ENTPD5: variants seen among roughly 807,000 people sequenced by gnomAD.
The protein encoded by ENTPD5 is ectonucleoside triphosphate diphosphohydrolase 5 (inactive).
ENTPD5 carries 49 observed loss-of-function variants against 60.2 expected under a neutral mutation model. That is an observed-to-expected ratio of 0.81 (90% CI 0.65 to 1.03). ENTPD5 has a LOEUF of 1.03. ENTPD5 is among the 50% of genes least tolerant of loss of function. The pLI, the probability that ENTPD5 is intolerant of heterozygous loss-of-function variation, is 0.00. For missense variants in ENTPD5, 480 were observed against 507.6 expected, an observed-to-expected ratio of 0.95 and a Z score of 0.52; for synonymous variants, 187 against 185.4, an observed-to-expected ratio of 1.01 and a Z score of -0.07.
downstream of ENTPD5, among the ~76,000 whole-genome samples, chr14:73,957,288 G>A (rs2056483333): frequency 6.6e-6 from 1 of 151,864 alleles, no homozygotes; most frequent in Non-Finnish European, 1.5e-5. Flanking sequence ...TAGTAGAGAT[G>A]GGGTTTCACC....
At chr14:73,992,801 G>A (rs1055112262) in intron 3 of ENTPD5, among the ~76,000 whole-genome samples, 2 of 152,040 alleles carry the variant, frequency 1.3e-5, no homozygotes, top group South Asian at 2.1e-4. Flanking sequence ...TCAGGAGTAC[G>A]AGACCAGCCT....
chr14:73,962,109 G>A (rs1263383425), downstream of ENTPD5, among the ~76,000 whole-genome samples: 4 of 151,728 alleles, frequency 2.6e-5, no homozygotes, highest in East Asian at 5.8e-4. Context: ...CACCACACCC[G>A]GCTAATTTTC....
At chr14:73,955,933 G>A (rs911987664), downstream of ENTPD5, 1 of 1,613,816 alleles carries the variant, frequency 6.2e-7, no homozygotes, top group Non-Finnish European at 8.5e-7. Flanking sequence ...TGTCTGGTGA[G>A]GCCCCCATCT....
intron 6 of ENTPD5, among the ~76,000 whole-genome samples, chr14:73,981,800 C>T (rs2057701296): frequency 8.7e-6 from 1 of 114,632 alleles, no homozygotes; most frequent in African/African-American, 3.0e-5. Context: ...GAGTGAGACT[C>T]TGTTTCCAAA....
chr14:73,983,118 G>A lies in ENTPD5; in HGVS notation c.341C>T (p.Ser114Leu), dbSNP rs760801515. 13 of 1,614,044 alleles carry A rather than the reference G, an allele frequency of 8.1e-6. No homozygotes were observed. The highest frequency in any genetic ancestry group is 1.7e-5 in the Admixed American group (1 of 60,002). ...VQGLLEVAKD[S>L]IPRSHWKKTP... ...CTTTTTCCAGTGACTTCGGGGGATT[G>A]AGTCTTTGGCCACCTCTAAGAGCCC... is the stretch of plus-strand genomic sequence containing the variant. Residue 114 changes from serine to leucine, a missense_variant, in exon 6 of 16, where the codon TCA becomes TTA. Transcript: ENST00000334696.
intron 12 of ENTPD5, 149 bp downstream of exon 12, chr14:73,973,728 C>G (rs974524777): frequency 2.3e-5 from 15 of 654,536 alleles, no homozygotes; most frequent in Non-Finnish European, 3.7e-5. Context: ...TGTCACTTCA[C>G]ATTAGTCCTT....
At position 73,965,638 on chromosome 14, in the gene ENTPD5, C is replaced by T. The variant is rs2056943342; in HGVS notation, c.*1290G>A. ...TTCAGGAGGCTGAGAACAAGAATCGCTTGAACCTGGGGGCGGAGGTTGCAG... is the reference window on the plus strand; with the variant it reads ...TTCAGGAGGCTGAGAACAAGAATCGTTTGAACCTGGGGGCGGAGGTTGCAG... On this transcript the variant is annotated 3_prime_UTR_variant, in exon 16 of 16. Transcript: ENST00000334696. 1 of 152,208 alleles carries T rather than the reference C, an allele frequency of 6.6e-6. No homozygotes were observed. The highest frequency in any genetic ancestry group is 1.5e-5 in the Non-Finnish European group (1 of 68,090). 9.4% of individuals were successfully genotyped at this position (152,208 alleles called of 1,614,324 possible).
At chr14:73,979,943 AT>A (rs554438546) in intron 6 of ENTPD5, among the ~76,000 whole-genome samples, 5,833 of 127,512 alleles carry the variant, frequency 0.046, 71 homozygotes, top group African/African-American at 0.066. Flanking sequence ...TTTTGCCATG[AT>A]TTTTTTTTTT....
downstream of ENTPD5, chr14:73,958,475 C>A: frequency 7.1e-7 from 1 of 1,416,228 alleles, no homozygotes; most frequent in East Asian, 2.9e-5. Context: ...TCTCATGGGC[C>A]GTCTTAGGTT....
chr14:73,959,620 C>T (rs527386206), downstream of ENTPD5: 22 of 1,579,868 alleles, frequency 1.4e-5, no homozygotes, highest in Admixed American at 1.3e-4. Flanking sequence ...CAGGCTGGAG[C>T]GCAGTGGCGC....
intron 2 of ENTPD5, among the ~76,000 whole-genome samples, chr14:74,014,941 G>T (rs1366941075): frequency 6.6e-6 from 1 of 152,070 alleles, no homozygotes; most frequent in African/African-American, 2.4e-5. Flanking sequence ...AATTAGCCGG[G>T]CATGGTGGCA....
chr14:73,974,856 G>A, intron 11 of ENTPD5, 68 bp downstream of exon 11: 1 of 1,265,582 alleles, frequency 7.9e-7, no homozygotes, highest in Non-Finnish European at 1.1e-6. Context: ...TATCAAGGAA[G>A]GGAAGAAGCA....
intron 11 of ENTPD5, 39 bp from the exon 12 acceptor site, chr14:73,974,017 T>TGAGA (rs1566716333): frequency 6.4e-7 from 1 of 1,569,792 alleles, no homozygotes; most frequent in South Asian, 1.1e-5. Flanking sequence ...GGTAAGTAAG[T>TGAGA]GAGAGAGAGG....
downstream of ENTPD5, chr14:73,961,241 T>C: frequency 2.5e-6 from 4 of 1,614,146 alleles, no homozygotes; most frequent in Non-Finnish European, 3.4e-6. Context: ...CTGTCAGCCT[T>C]CTGAAGCCCA....
At chr14:73,999,857 A>T (rs1252621271) in intron 3 of ENTPD5, among the ~76,000 whole-genome samples, 1 of 151,996 alleles carries the variant, frequency 6.6e-6, no homozygotes, top group Non-Finnish European at 1.5e-5. Context: ...GGGGAGGCCA[A>T]GGCGGGCGGA....
chr14:73,961,143 CTTGT>C (rs757449248), downstream of ENTPD5: 29 of 1,608,500 alleles, frequency 1.8e-5, no homozygotes, highest in African/African-American at 2.8e-4. Flanking sequence ...CACATTTCAC[CTTGT>C]TTGTCTTGTG....
chr14:73,990,259 G>A (rs2058077027), intron 3 of ENTPD5, among the ~76,000 whole-genome samples: 1 of 152,070 alleles, frequency 6.6e-6, no homozygotes, highest in Non-Finnish European at 1.5e-5. Flanking sequence ...TCCTATTGTT[G>A]AGTCTAATTT....
At chr14:74,017,156 T>C (rs1365283647) in intron 1 of ENTPD5, among the ~76,000 whole-genome samples, 1 of 152,036 alleles carries the variant, frequency 6.6e-6, no homozygotes, top group African/African-American at 2.4e-5. Context: ...CCGTGTCTAC[T>C]AAAATTACAA....
intron 3 of ENTPD5, among the ~76,000 whole-genome samples, chr14:74,008,722 C>T (rs1259613369): frequency 6.6e-6 from 1 of 152,078 alleles, no homozygotes; most frequent in Non-Finnish European, 1.5e-5. Context: ...TTTCTTAAGA[C>T]AGGGTCTTCT....
Sources: allele counts gnomAD v4.1 joint callset (sites outside exome capture counted in the v4.1 genomes callset), GRCh38; gene constraint gnomAD v4.1.1; transcripts MANE v1.5; gene names NCBI Gene and HGNC (gene_info 2026-07-23, HGNC 2026-07-21).